Variants in KIF7 observed in about 807,000 individuals in gnomAD.
KIF7 encodes the protein kinesin-like protein KIF7.
In KIF7, 104 loss-of-function variants were observed where a neutral mutation model predicts 135.7. The observed-to-expected ratio is 0.77, with a 90% confidence interval of 0.65 to 0.90. The LOEUF (loss-of-function observed/expected upper bound fraction) is 0.90. Among genes scored for constraint, KIF7 ranks in the 40% least tolerant of loss-of-function variants. The probability of loss-of-function intolerance (pLI) is 0.00; values close to 1 mark genes in which losing one functional copy is unlikely to be tolerated. For synonymous variants in KIF7, 883 were observed against 809.4 expected (o/e 1.09, Z -1.54); for missense variants, 2,005 against 1,839.1 (o/e 1.09, Z -1.65).
At chr15:89,641,244 G>A (rs1963914853) in intron 11 of KIF7, among the ~76,000 whole-genome samples, 1 of 152,038 alleles carries the variant, frequency 6.6e-6, no homozygotes, top group Non-Finnish European at 1.5e-5. Flanking sequence ...GAAAGGCCGT[G>A]TCAAGACACA....
intron 1 of KIF7, among the ~76,000 whole-genome samples, chr15:89,620,780 T>G (rs1963410950): frequency 6.6e-6 from 1 of 152,128 alleles, no homozygotes; most frequent in Admixed American, 6.6e-5. Flanking sequence ...TGGAGTGCAG[T>G]GGCGCAATCT....
chr15:89,633,936 C>T, intron 11 of KIF7, 53 bp from the exon 12 acceptor site: 2 of 1,594,184 alleles, frequency 1.3e-6, no homozygotes, highest in Non-Finnish European at 1.7e-6. Flanking sequence ...CGCGAGCCTG[C>T]CATAGTGCTG....
intron 2 of KIF7, 133 bp from the exon 3 acceptor site, chr15:89,650,074 A>G (rs1964100786): frequency 1.1e-6 from 1 of 887,668 alleles, no homozygotes; most frequent in Non-Finnish European, 1.8e-6. Flanking sequence ...GGCCGAGGCC[A>G]GGATGGGACA....
At chr15:89,651,708 A>G (rs1418449988) in intron 2 of KIF7, among the ~76,000 whole-genome samples, 1 of 152,128 alleles carries the variant, frequency 6.6e-6, no homozygotes, top group Non-Finnish European at 1.5e-5. Context: ...GTTTTGCTGT[A>G]TTTTCCTAAT....
intron 1 of KIF7, among the ~76,000 whole-genome samples, chr15:89,620,603 A>C (rs946303570): frequency 2.6e-5 from 4 of 152,200 alleles, no homozygotes; most frequent in African/African-American, 4.8e-5. Context: ...ACTAAAATTA[A>C]AAAAGGCAGC....
chr15:89,648,328 G>A lies in KIF7; in HGVS notation c.1370C>T (p.Ala457Val). 6.6e-7 allele frequency: 1 copy of A among 1,506,522 alleles called. No individual in the cohort carries two copies. Among genetic ancestry groups the A allele is most frequent in the Non-Finnish European group, 8.9e-7 (1 of 1,129,656 alleles). The allele number at this position is 1,506,522 out of a possible 1,614,324, so 93.3% of individuals were successfully genotyped here. A position where few individuals can be genotyped will look rare whatever the true frequency, so the allele number is the denominator to read the frequency against. ...VEGERSALSS[A>V]SGPDSGIESA... ...CTCGATGCCGCTATCGGGCCCGGAGGCGGAGCTCAGGGCGCTGCGCTCGCC... is the reference window on the plus strand; with the variant it reads ...CTCGATGCCGCTATCGGGCCCGGAGACGGAGCTCAGGGCGCTGCGCTCGCC... The change falls in exon 5 of 19, where the codon GCC becomes GTC. Residue 457 changes from alanine to valine, a missense_variant. By Grantham distance (64) the Ala-to-Val change is moderately conservative (BLOSUM62 0). Coordinates refer to ENST00000394412, the MANE Select transcript of KIF7 (RefSeq NM_198525.3).
chr15:89,652,652 A>G lies in KIF7; in HGVS notation c.279T>C (p.Tyr93=), dbSNP rs918495590. The stretch of plus-strand genomic sequence containing the variant: ...ATGTCTTCCCTGAGCCCGTCTGACC[A>G]TAGGCAAAGACAGTGGCATTGAAGC... ...FEGFNATVFA[Y]GQTGSGKTYT... is the part of the protein sequence containing the mutation. Residue 93 remains tyrosine, a synonymous_variant, in exon 2 of 19, where the codon TAT becomes TAC. Transcript: ENST00000394412. The G allele has an allele frequency of 2.9e-5, 45 of 1,548,894 alleles. No individual in the cohort carries two copies. The highest frequency in any genetic ancestry group is 1.6e-4 in the Admixed American group (8 of 50,936).
Position 89,655,448 on chromosome 15 carries a change from C to G in KIF7, c.-74G>C, listed in dbSNP as rs1488143882. On this transcript the variant is annotated 5_prime_UTR_variant, in exon 1 of 19. Transcript: ENST00000394412. The stretch of plus-strand genomic sequence containing the variant: ...GGGCCAGGCAGTCAGGTTTCCATCC[C>G]CAGTGCGGCGCGCTCCGATGCCGTC... 2.0e-5 allele frequency: 3 copies of G among 152,272 alleles called. No homozygotes were observed. Among genetic ancestry groups the G allele is most frequent in the Admixed American group, 6.5e-5 (1 of 15,290 alleles). 9.4% of individuals were successfully genotyped at this position (152,272 alleles called of 1,614,324 possible).
chr15:89,647,509 C>A, intron 6 of KIF7, 87 bp downstream of exon 6: 1 of 1,196,532 alleles, frequency 8.4e-7, no homozygotes. Flanking sequence ...CCTACCCTAA[C>A]TCCCTCCCAT....
chr15:89,624,905 G>A (rs777688443), downstream of KIF7: 1 of 1,614,098 alleles, frequency 6.2e-7, no homozygotes, highest in Non-Finnish European at 8.5e-7. Context: ...ACAGATGGGA[G>A]ACAGTGCCAG....
downstream of KIF7, chr15:89,626,926 T>A: frequency 6.2e-7 from 1 of 1,608,242 alleles, no homozygotes; most frequent in South Asian, 1.1e-5. Context: ...CTGTGACTCC[T>A]GCATGCTAAG....
intron 18 of KIF7, 31 bp downstream of exon 18, chr15:89,628,945 G>A: frequency 1.2e-6 from 2 of 1,613,954 alleles, no homozygotes; most frequent in Non-Finnish European, 1.7e-6. Context: ...AAAGGGAACA[G>A]GTCTGACTTC....
At chr15:89,639,423 A>C (rs1963875428) in intron 11 of KIF7, among the ~76,000 whole-genome samples, 1 of 133,712 alleles carries the variant, frequency 7.5e-6, no homozygotes, top group African/African-American at 2.9e-5. Flanking sequence ...AGAATCTACA[A>C]TGAACTCAAA....
upstream of KIF7, among the ~76,000 whole-genome samples, chr15:89,656,396 G>A (rs1179843766): frequency 1.3e-5 from 2 of 150,368 alleles, no homozygotes; most frequent in African/African-American, 4.9e-5. Flanking sequence ...GACACAAAAC[G>A]TCCAGAGGAA....
chr15:89,648,674 AGTTGAGGGT>A lies in KIF7; in HGVS notation c.1015_1023del (p.Thr339_Asn341del), dbSNP rs1434419702. ...CGGATGTTCTGGGCGCGGCTGGCGT[AGTTGAGGGT>A]GTTGAGGGTCTCGTCGAAGTCGGAG... On this transcript the variant is annotated inframe_deletion, in exon 5 of 19. Coordinates refer to ENST00000394412, the MANE Select transcript of KIF7 (RefSeq NM_198525.3). 2 of 1,535,620 alleles carry A rather than the reference AGTTGAGGGT, an allele frequency of 1.3e-6. No homozygotes were observed. The highest frequency in any genetic ancestry group is 1.2e-5 in the South Asian group (1 of 84,050).
chr15:89,631,947 G>A (rs1027698605), intron 14 of KIF7, among the ~76,000 whole-genome samples: 5 of 152,232 alleles, frequency 3.3e-5, no homozygotes, highest in Non-Finnish European at 1.5e-5. Context: ...ATAAGGACCA[G>A]AGGGACGTGG....
chr15:89,635,625 G>C (rs1459456623), intron 11 of KIF7, among the ~76,000 whole-genome samples: 2 of 152,126 alleles, frequency 1.3e-5, no homozygotes, highest in East Asian at 1.9e-4. Flanking sequence ...GAAGTTTAGA[G>C]AAAAAAGAAT....
At chr15:89,621,654 A>G (rs2141981754) in intron 1 of KIF7, 2 of 911,686 alleles carry the variant, frequency 2.2e-6, no homozygotes, top group African/African-American at 3.4e-5. Context: ...GGTGACCTCT[A>G]GATAATACTA....
At position 89,646,021 on chromosome 15, in the gene KIF7, C is replaced by T; in HGVS notation, c.1794G>A (p.Val598=). 3 of 1,613,912 alleles carry T rather than the reference C, an allele frequency of 1.9e-6. No individual in the cohort carries two copies. The highest frequency in any genetic ancestry group is 2.2e-5 in the East Asian group (1 of 44,892). The part of the protein sequence containing the change: ...EVGSEQRGEQ[V]TNGREAGAEL... ...CAGCTCCAGCCTCCCTGCCATTTGT[C>T]ACCTGCTAGGGGAGTGAGCCATTTC... is the stretch of plus-strand genomic sequence containing the variant. The change falls in exon 8 of 19, where the codon GTG becomes GTA. Residue 598 remains valine, a synonymous_variant. Transcript: ENST00000394412.
Sources: allele counts gnomAD v4.1 joint callset (sites outside exome capture counted in the v4.1 genomes callset), GRCh38; gene constraint gnomAD v4.1.1; transcripts MANE v1.5; gene names NCBI Gene and HGNC (gene_info 2026-07-23, HGNC 2026-07-21).